FIRRM: variants seen among roughly 807,000 people sequenced by gnomAD.
FIRRM encodes the protein FIGNL1-interacting regulator of recombination and mitosis.
At chr1:169,852,060 A>C in the FIRRM span, 1 of 1,361,918 alleles carries the variant, frequency 7.3e-7, no homozygotes, top group Non-Finnish European at 1.0e-6. Context: ...ATAGATCTAG[A>C]CATGTAAAAT....
chr1:169,808,966 C>T, the FIRRM span, among the ~76,000 whole-genome samples: 6 of 152,272 alleles, frequency 3.9e-5, no homozygotes, highest in Admixed American at 2.6e-4. Context: ...GACATAGCCC[C>T]TTCTATTGTA....
chr1:169,837,314 TG>T, the FIRRM span, among the ~76,000 whole-genome samples: 1 of 152,230 alleles, frequency 6.6e-6, no homozygotes, highest in Non-Finnish European at 1.5e-5. Flanking sequence ...TGTATTATAT[TG>T]GGGGGTTGTT....
At chr1:169,792,482 C>T in the FIRRM span, 1 of 1,197,014 alleles carries the variant, frequency 8.4e-7, no homozygotes, top group Non-Finnish European at 1.1e-6. Flanking sequence ...CAAACAACAT[C>T]AAAATTTCAG....
chr1:169,809,319 T>C, the FIRRM span, among the ~76,000 whole-genome samples: 1 of 152,286 alleles, frequency 6.6e-6, no homozygotes, highest in African/African-American at 2.4e-5. Flanking sequence ...TCCTCTTACC[T>C]TGCTAAAAGG....
the FIRRM span, among the ~76,000 whole-genome samples, chr1:169,833,687 T>C: frequency 6.6e-6 from 1 of 152,138 alleles, no homozygotes; most frequent in Non-Finnish European, 1.5e-5. Context: ...GTACTACACC[T>C]ACCTCTTAGC....
At chr1:169,800,781 A>T in the FIRRM span, 1 of 454,216 alleles carries the variant, frequency 2.2e-6, no homozygotes, top group Non-Finnish European at 3.9e-6. Context: ...TTGAAAGTGT[A>T]TCAAGCTTTA....
At chr1:169,798,703 A>G in the FIRRM span, among the ~76,000 whole-genome samples, 11 of 152,190 alleles carry the variant, frequency 7.2e-5, no homozygotes, top group Non-Finnish European at 1.3e-4. Flanking sequence ...TCCCTGGGCA[A>G]TTTTCAAAAT....
the FIRRM span, among the ~76,000 whole-genome samples, chr1:169,811,787 GACAGATTATCTAAATAGATAA>G: frequency 6.9e-5 from 10 of 144,168 alleles, 1 homozygote; most frequent in Admixed American, 3.5e-4. Flanking sequence ...ATAGATAATA[GACAGATTATCTAAATAGATAA>G]TAGACAGATT....
chr1:169,785,490 T>C, the FIRRM span, among the ~76,000 whole-genome samples: 1 of 152,072 alleles, frequency 6.6e-6, no homozygotes, highest in South Asian at 2.1e-4. Flanking sequence ...GTGGGATGGA[T>C]GGGGAGCTGG....
the FIRRM span, among the ~76,000 whole-genome samples, chr1:169,824,371 C>T: frequency 7.2e-5 from 11 of 152,188 alleles, no homozygotes; most frequent in African/African-American, 2.7e-4. Flanking sequence ...GCATCATCAG[C>T]CTTTCCTCCA....
At chr1:169,839,353 C>T in the FIRRM span, among the ~76,000 whole-genome samples, 1 of 152,194 alleles carries the variant, frequency 6.6e-6, no homozygotes, top group Non-Finnish European at 1.5e-5. Flanking sequence ...CTGCTTTCCA[C>T]AGTGGCTGAA....
chr1:169,821,710 C>T, the FIRRM span: 3 of 1,611,252 alleles, frequency 1.9e-6, no homozygotes, highest in Admixed American at 1.7e-5. Context: ...TTTCAGAAAA[C>T]ACTCAAATTG....
chr1:169,787,454 T>C, the FIRRM span, among the ~76,000 whole-genome samples: 12 of 152,278 alleles, frequency 7.9e-5, no homozygotes, highest in Admixed American at 3.9e-4. Context: ...TCAGCGAGAA[T>C]TCTATTAGGT....
chr1:169,799,017 A>G, the FIRRM span: 2 of 659,644 alleles, frequency 3.0e-6, no homozygotes, highest in South Asian at 2.0e-5. Context: ...GAGTCCCCAC[A>G]TACCTCGGTA....
the FIRRM span, among the ~76,000 whole-genome samples, chr1:169,799,708 C>T: frequency 0.066 from 10,078 of 152,062 alleles, 431 homozygotes; most frequent in Non-Finnish European, 0.099. Context: ...TGCTTCACCA[C>T]GCCTGGCTAA....
chr1:169,792,397 T>C, the FIRRM span: 17 of 484,636 alleles, frequency 3.5e-5, no homozygotes, highest in Non-Finnish European at 5.7e-5. Context: ...TGCACGAGGA[T>C]ACCTTCTCAG....
At chr1:169,811,793 TTATC>T in the FIRRM span, among the ~76,000 whole-genome samples, 7 of 140,726 alleles carry the variant, frequency 5.0e-5, no homozygotes, top group African/African-American at 1.6e-4. Flanking sequence ...AATAGACAGA[TTATC>T]TAAATAGATA....
At chr1:169,791,851 G>A in the FIRRM span, among the ~76,000 whole-genome samples, 6 of 152,276 alleles carry the variant, frequency 3.9e-5, no homozygotes, top group Admixed American at 1.3e-4. Context: ...GTGGTAACGT[G>A]AAAATTTTTG....
chr1:169,842,614 C>A, the FIRRM span: 1 of 1,536,156 alleles, frequency 6.5e-7, no homozygotes, highest in South Asian at 1.2e-5. Flanking sequence ...CTGAAATTTT[C>A]CAGTGTAGAG....
Sources: gnomAD v4.1 joint callset for allele counts (sites outside exome capture counted in the v4.1 genomes callset) on GRCh38, gnomAD v4.1.1 for gene constraint, MANE v1.5 for transcripts, NCBI Gene and HGNC (gene_info 2026-07-23, HGNC 2026-07-21) for gene names.